PCID2: variants seen among roughly 807,000 people sequenced by gnomAD.
PCID2 encodes PCI domain-containing protein 2.
Under a neutral mutation model 61.3 loss-of-function variants are expected in PCID2, and 41 were observed. The observed-to-expected ratio is 0.67, with a 90% CI of 0.52 to 0.87. The LOEUF (loss-of-function observed/expected upper bound fraction) is 0.87. Ranked by LOEUF, PCID2 falls within the 40% of genes least tolerant of loss-of-function variation. PCID2 has a pLI of 0.00. For missense variants in PCID2, 392 were observed against 493.4 expected (o/e 0.79, Z 1.95); for synonymous variants, 187 against 177.8 (o/e 1.05, Z -0.41).
chr13:113,175,819 G>C (rs1429858861), downstream of PCID2, among the ~76,000 whole-genome samples: 1 of 152,270 alleles, frequency 6.6e-6, no homozygotes, highest in East Asian at 1.9e-4. Flanking sequence ...TGACTTAGGA[G>C]AGCAGGGCAT....
chr13:113,183,243 C>G (rs1226161512), intron 9 of PCID2, among the ~76,000 whole-genome samples: 1 of 151,946 alleles, frequency 6.6e-6, no homozygotes, highest in African/African-American at 2.4e-5. Context: ...CAGACTTAAA[C>G]AAACTTTTTA....
chr13:113,183,055 A>G (rs1361644086), intron 9 of PCID2, among the ~76,000 whole-genome samples: 6 of 152,242 alleles, frequency 3.9e-5, no homozygotes, highest in African/African-American at 1.4e-4. Flanking sequence ...AAATACAATC[A>G]GGGCTCTAGG....
At chr13:113,184,206 G>T in intron 9 of PCID2, 140 bp downstream of exon 9, 1 of 890,870 alleles carries the variant, frequency 1.1e-6, no homozygotes, top group Non-Finnish European at 1.7e-6. Flanking sequence ...ATCAGCTTTA[G>T]TGTCAAATAT....
intron 4 of PCID2, 38 bp from the exon 5 acceptor site, chr13:113,196,260 A>G: frequency 6.8e-7 from 1 of 1,462,084 alleles, no homozygotes; most frequent in South Asian, 1.2e-5. Context: ...CAAAGTTCAA[A>G]TAATGCTACG....
At chr13:113,200,823 C>G (rs2039376322) in intron 1 of PCID2, 2 of 270,648 alleles carry the variant, frequency 7.4e-6, no homozygotes, top group South Asian at 7.1e-5. Flanking sequence ...TGGCTCAGGC[C>G]TGTAATCCCA....
chr13:113,198,400 C>G, intron 2 of PCID2, 136 bp from the exon 3 acceptor site: 1 of 586,504 alleles, frequency 1.7e-6, no homozygotes, highest in South Asian at 2.3e-5. Flanking sequence ...ATATTTACCA[C>G]TCTAAATAAA....
chr13:113,168,380 G>A, the PCID2 span, among the ~76,000 whole-genome samples: 2 of 152,154 alleles, frequency 1.3e-5, no homozygotes, highest in African/African-American at 4.8e-5. Context: ...CGTTTGTCTG[G>A]AGGAGTCTTT....
At chr13:113,178,650 G>A (rs967562141) in intron 13 of PCID2, among the ~76,000 whole-genome samples, 1 of 152,196 alleles carries the variant, frequency 6.6e-6, no homozygotes, top group South Asian at 2.1e-4. Context: ...ACAGGAGGAC[G>A]TGCATAGCTC....
rs545215405 is a variant in PCID2 at position 113,201,868 on chromosome 13, G to A, written c.37-1352C>T. ...AAATTCTAACTAAGAAAAAAGGCAA[G>A]CACAAAGCTTTAGATACAGTATAAT... On this transcript the variant is annotated intron_variant, in intron 1 of 13. Coordinates refer to ENST00000337344, the MANE Select transcript of PCID2 (RefSeq NM_001127202.4). 5.6e-4 allele frequency among the ~76,000 whole-genome samples: 82 copies of A among 146,720 alleles called. 1 individual carries two copies. The highest frequency in any genetic ancestry group is 3.5e-3 in the Middle Eastern group (1 of 282).
At chr13:113,173,821 A>C (rs2037151216), downstream of PCID2, among the ~76,000 whole-genome samples, 1 of 152,230 alleles carries the variant, frequency 6.6e-6, no homozygotes, top group African/African-American at 2.4e-5. Context: ...TGATTTTAAA[A>C]TCAGCTAATG....
chr13:113,197,468 T>A (rs1266341817), intron 3 of PCID2, among the ~76,000 whole-genome samples: 2 of 152,158 alleles, frequency 1.3e-5, no homozygotes, highest in African/African-American at 2.4e-5. Context: ...CACCAGCAGG[T>A]TTATGAGTAA....
At chr13:113,185,431 A>C in intron 8 of PCID2, 54 bp downstream of exon 8, 1 of 1,202,776 alleles carries the variant, frequency 8.3e-7, no homozygotes, top group South Asian at 1.2e-5. Context: ...ATATGTGGGA[A>C]GCCCAGGACA....
chr13:113,182,309 G>A (rs1464617568), intron 9 of PCID2, among the ~76,000 whole-genome samples: 6 of 152,100 alleles, frequency 3.9e-5, no homozygotes, highest in East Asian at 3.9e-4. Flanking sequence ...TGGGGCCAGC[G>A]TCTCTTCCAA....
chr13:113,198,355 G>C (rs1404074885), intron 2 of PCID2, 91 bp from the exon 3 acceptor site: 1 of 781,104 alleles, frequency 1.3e-6, no homozygotes, highest in East Asian at 2.5e-5. Context: ...TCTGTTTCAA[G>C]AGAATTTATG....
chr13:113,166,732 C>A, the PCID2 span, among the ~76,000 whole-genome samples: 2 of 152,204 alleles, frequency 1.3e-5, no homozygotes, highest in Admixed American at 1.3e-4. Context: ...TTCTTCCTAT[C>A]GCTGTCTGCC....
At chr13:113,169,903 C>T in the PCID2 span, among the ~76,000 whole-genome samples, 1 of 152,258 alleles carries the variant, frequency 6.6e-6, no homozygotes. Context: ...GCTCTCTCCT[C>T]TGCCGGACTC....
chr13:113,193,990 G>A (rs185760570), intron 6 of PCID2, among the ~76,000 whole-genome samples: 47 of 152,264 alleles, frequency 3.1e-4, no homozygotes, highest in African/African-American at 1.0e-3. Context: ...ACTACCTGAC[G>A]AGACTATGGA....
chr13:113,188,365 T>G (rs149823842), intron 7 of PCID2: 2 of 152,244 alleles, frequency 1.3e-5, no homozygotes, highest in African/African-American at 4.8e-5. Context: ...CTTGTAGGCT[T>G]GGCTGAACAG....
chr13:113,175,904 CAG>C (rs1410099791), downstream of PCID2, among the ~76,000 whole-genome samples: 1 of 152,206 alleles, frequency 6.6e-6, no homozygotes, highest in Non-Finnish European at 1.5e-5. Flanking sequence ...TGGAGAGAAA[CAG>C]GGGAGCCCAC....
Sources: allele counts gnomAD v4.1 joint callset (sites outside exome capture counted in the v4.1 genomes callset), GRCh38; gene constraint gnomAD v4.1.1; transcripts MANE v1.5; gene names NCBI Gene and HGNC (gene_info 2026-07-23, HGNC 2026-07-21).